FSIP1: variants seen among roughly 807,000 people sequenced by gnomAD.
FSIP1 encodes the protein fibrous sheath interacting protein 1, also known as fibrous sheath-interacting protein 1.
In FSIP1, 65 loss-of-function variants were observed where a neutral mutation model predicts 60.9. That is an observed-to-expected ratio of 1.07 (90% CI 0.87 to 1.31). The LOEUF is 1.31. Ranked by LOEUF, FSIP1 falls within the 40% of genes most tolerant of loss-of-function variation. FSIP1 has a pLI of 0.00. For synonymous variants in FSIP1, 209 were observed against 221.2 expected, an observed-to-expected ratio of 0.94 and a Z score of 0.49; for missense variants, 675 against 665.5, an observed-to-expected ratio of 1.01 and a Z score of -0.16.
At chr15:39,768,106 C>T (rs529321555) in intron 3 of FSIP1, among the ~76,000 whole-genome samples, 43 of 152,328 alleles carry the variant, frequency 2.8e-4, no homozygotes, top group African/African-American at 1.0e-3. Context: ...TCCCCATGGC[C>T]TCTGCACCTG....
chr15:39,699,346 A>G (rs1186966328), intron 10 of FSIP1, among the ~76,000 whole-genome samples: 1 of 152,230 alleles, frequency 6.6e-6, no homozygotes, highest in East Asian at 1.9e-4. Flanking sequence ...TAAGGGGATT[A>G]AAGAAAAATC....
chr15:39,767,796 C>T (rs958412478), intron 3 of FSIP1, among the ~76,000 whole-genome samples: 13 of 152,182 alleles, frequency 8.5e-5, no homozygotes, highest in Admixed American at 5.2e-4. Context: ...CTTCCCACTC[C>T]ATCCCCGTTC....
At chr15:39,731,237 C>G (rs1330061880) in intron 8 of FSIP1, among the ~76,000 whole-genome samples, 1 of 152,068 alleles carries the variant, frequency 6.6e-6, no homozygotes, top group Non-Finnish European at 1.5e-5. Flanking sequence ...GATAAACTGA[C>G]AGAATTCCAG....
intron 10 of FSIP1, among the ~76,000 whole-genome samples, chr15:39,675,816 C>T (rs1278448361): frequency 1.3e-5 from 2 of 151,998 alleles, no homozygotes; most frequent in Non-Finnish European, 2.9e-5. Flanking sequence ...AAGTGAGATG[C>T]AAATAGATAA....
intron 8 of FSIP1, among the ~76,000 whole-genome samples, chr15:39,732,385 T>G (rs1449643783): frequency 6.6e-6 from 1 of 152,128 alleles, no homozygotes; most frequent in African/African-American, 2.4e-5. Context: ...TCTGGGAGGC[T>G]GAGGTGGGCA....
chr15:39,616,468 G>A (rs962881152), intron 11 of FSIP1, among the ~76,000 whole-genome samples: 2 of 152,092 alleles, frequency 1.3e-5, no homozygotes, highest in Non-Finnish European at 2.9e-5. Context: ...CTTAACAGAG[G>A]GGACCAGGGA....
intron 10 of FSIP1, among the ~76,000 whole-genome samples, chr15:39,622,935 G>A (rs1044684734): frequency 1.3e-5 from 2 of 151,992 alleles, no homozygotes; most frequent in Non-Finnish European, 2.9e-5. Context: ...TGCCCAGATT[G>A]GCTTTTGTGT....
chr15:39,731,363 T>A (rs902851541), intron 8 of FSIP1, among the ~76,000 whole-genome samples: 3 of 152,140 alleles, frequency 2.0e-5, no homozygotes, highest in Non-Finnish European at 4.4e-5. Context: ...TCACAAACTC[T>A]GGTAATTTTT....
At chr15:39,646,943 A>G (rs1445960025) in intron 10 of FSIP1, among the ~76,000 whole-genome samples, 1 of 152,232 alleles carries the variant, frequency 6.6e-6, no homozygotes, top group East Asian at 1.9e-4. Flanking sequence ...GGATGACATT[A>G]TGCTAAGTGA....
chr15:39,617,447 A>G (rs1343467420), intron 11 of FSIP1, among the ~76,000 whole-genome samples: 1 of 152,248 alleles, frequency 6.6e-6, no homozygotes, highest in Non-Finnish European at 1.5e-5. Flanking sequence ...ATCTATTCAA[A>G]GTATTTCTCT....
intron 8 of FSIP1, among the ~76,000 whole-genome samples, chr15:39,736,384 T>C (rs1313042200): frequency 6.6e-6 from 1 of 152,266 alleles, no homozygotes; most frequent in Non-Finnish European, 1.5e-5. Flanking sequence ...TGTGATATTC[T>C]GTAGATATGT....
chr15:39,598,416 G>A (rs1303828697), downstream of FSIP1: 1 of 152,222 alleles, frequency 6.6e-6, no homozygotes, highest in Non-Finnish European at 1.5e-5. Flanking sequence ...TAGCTGTGGA[G>A]TTAGGAAAAC....
chr15:39,736,508 T>C (rs1896614950), intron 8 of FSIP1, among the ~76,000 whole-genome samples: 1 of 152,220 alleles, frequency 6.6e-6, no homozygotes, highest in Non-Finnish European at 1.5e-5. Flanking sequence ...AAAATCTGAA[T>C]TTCTAGCTTC....
chr15:39,752,345 G>A (rs1595694466), intron 5 of FSIP1, among the ~76,000 whole-genome samples: 1 of 152,078 alleles, frequency 6.6e-6, no homozygotes, highest in East Asian at 1.9e-4. Context: ...TCCTTAAGCA[G>A]GGGCTGCAAA....
At chr15:39,648,721 G>A (rs1021591758) in intron 10 of FSIP1, among the ~76,000 whole-genome samples, 3 of 152,186 alleles carry the variant, frequency 2.0e-5, no homozygotes, top group South Asian at 4.1e-4. Context: ...GGGCCTATCA[G>A]GGAGACTTCT....
chr15:39,719,041 CAG>C (rs1895855378), intron 9 of FSIP1, among the ~76,000 whole-genome samples: 1 of 152,182 alleles, frequency 6.6e-6, no homozygotes, highest in Non-Finnish European at 1.5e-5. Context: ...CAGCTTTCTT[CAG>C]TCATGGCCTC....
chr15:39,683,342 T>A (rs1211649639), intron 10 of FSIP1, among the ~76,000 whole-genome samples: 1 of 152,276 alleles, frequency 6.6e-6, no homozygotes. Flanking sequence ...ACAGTCATCA[T>A]CAATCAATGC....
chr15:39,614,684 G>A (rs1214017834), intron 11 of FSIP1, among the ~76,000 whole-genome samples: 1 of 151,014 alleles, frequency 6.6e-6, no homozygotes, highest in East Asian at 1.9e-4. Flanking sequence ...CATATTCATG[G>A]ACTGAAAGAA....
intron 5 of FSIP1, among the ~76,000 whole-genome samples, chr15:39,751,650 G>A (rs1595693807): frequency 6.6e-6 from 1 of 151,850 alleles, no homozygotes; most frequent in East Asian, 1.9e-4. Flanking sequence ...TGATTACCTG[G>A]GGAGAGAACA....
Sources: gnomAD v4.1 joint callset for allele counts (sites outside exome capture counted in the v4.1 genomes callset) on GRCh38, gnomAD v4.1.1 for gene constraint, MANE v1.5 for transcripts, NCBI Gene and HGNC (gene_info 2026-07-23, HGNC 2026-07-21) for gene names.